Variants in FAM234B observed in about 807,000 individuals in gnomAD.
FAM234B encodes family with sequence similarity 234 member B.
FAM234B carries 33 observed loss-of-function variants against 69.3 expected under a neutral mutation model. That is an observed-to-expected ratio of 0.48 (90% CI 0.36 to 0.64). The LOEUF (loss-of-function observed/expected upper bound fraction) is 0.64, where lower values mean the gene tolerates loss of function less well. Ranked by LOEUF, FAM234B falls within the 30% of genes least tolerant of loss-of-function variation. The pLI is 0.00. For synonymous variants in FAM234B, 306 were observed against 306.9 expected (o/e 1.00, Z 0.03); for missense variants, 697 against 769.7 (o/e 0.91, Z 1.12).
chr12:13,063,488 T>C (rs146237842), intron 5 of FAM234B, among the ~76,000 whole-genome samples: 20 of 152,274 alleles, frequency 1.3e-4, no homozygotes, highest in African/African-American at 4.6e-4. Context: ...TCATAAAAGA[T>C]ACATAGGAAA....
intron 1 of FAM234B, among the ~76,000 whole-genome samples, chr12:13,049,143 T>C (rs868707609): frequency 6.6e-6 from 1 of 152,234 alleles, no homozygotes; most frequent in Non-Finnish European, 1.5e-5. Flanking sequence ...AAGACAGTAA[T>C]GTGTCTACCT....
Position 13,071,160 on chromosome 12 carries a change from T to C in FAM234B, c.1369-81T>C, listed in dbSNP as rs1275627394. ...GATATTTGTGTTATTTGAATACCTG[T>C]GCATTTTTGTGTGTGCATTTTCTGG... On this transcript the variant is annotated intron_variant, in intron 9 of 12. Coordinates refer to ENST00000197268, the MANE Select transcript of FAM234B (RefSeq NM_020853.2). 18 of 1,428,146 alleles carry C rather than the reference T, an allele frequency of 1.3e-5. No individual in the cohort carries two copies. In the East Asian group the frequency reaches 4.1e-4, roughly 33 times the overall value. 88.5% of individuals were successfully genotyped at this position (1,428,146 alleles called of 1,614,324 possible). A position where few individuals can be genotyped will look rare whatever the true frequency, so the allele number is the denominator to read the frequency against.
At chr12:13,045,710 A>C (rs564184151) in intron 1 of FAM234B, among the ~76,000 whole-genome samples, 68 of 152,302 alleles carry the variant, frequency 4.5e-4, no homozygotes, top group Non-Finnish European at 8.5e-4. Context: ...ACTGGAATTA[A>C]AGGAGAGACG....
chr12:13,080,704 C>A lies in FAM234B; in HGVS notation c.*74C>A. On this transcript the variant is annotated 3_prime_UTR_variant, in exon 13 of 13. Coordinates refer to ENST00000197268, the MANE Select transcript of FAM234B (RefSeq NM_020853.2). ...CTCTACTCTCCTGTCACTGTAAAATCAGTTCTATGGAGAGAAGACTTCTTC... is the reference window on the plus strand; with the variant it reads ...CTCTACTCTCCTGTCACTGTAAAATAAGTTCTATGGAGAGAAGACTTCTTC... The A allele has an allele frequency of 1.6e-6, 2 of 1,289,360 alleles. No individual in the cohort carries two copies. The highest frequency in any genetic ancestry group is 2.4e-5 in the South Asian group (2 of 82,066). The allele number at this position is 1,289,360 out of a possible 1,614,324, so 79.9% of individuals were successfully genotyped here.
At chr12:13,045,593 G>A (rs1864800431) in intron 1 of FAM234B, among the ~76,000 whole-genome samples, 1 of 151,808 alleles carries the variant, frequency 6.6e-6, no homozygotes, top group African/African-American at 2.4e-5. Context: ...TTGCGTTTCT[G>A]TCCCCAGACT....
chr12:13,056,457 C>G (rs1005091051), intron 2 of FAM234B, among the ~76,000 whole-genome samples: 4 of 152,200 alleles, frequency 2.6e-5, no homozygotes, highest in South Asian at 4.1e-4. Flanking sequence ...GTAATTCCAG[C>G]TATTCTGTCT....
chr12:13,060,453 A>G (rs79950461), intron 3 of FAM234B, among the ~76,000 whole-genome samples: 1 of 152,318 alleles, frequency 6.6e-6, no homozygotes, highest in East Asian at 1.9e-4. Flanking sequence ...GGAAGGGGTA[A>G]TCCATCACCA....
At position 13,062,859 on chromosome 12, in the gene FAM234B, A is replaced by G. The variant is rs1304646392; in HGVS notation, c.736A>G (p.Thr246Ala). Reference protein sequence around the residue: ...FNATSGKAIWTLNPNYLSNGT... With the variant: ...FNATSGKAIWALNPNYLSNGT... ...TCCTTCCTCAGGGAAAGCCATTTGG[A>G]CTTTAAACCCAAACTACTTGTCCAA... is the stretch of plus-strand genomic sequence containing the variant. Residue 246 changes from threonine (T) to alanine (A), a missense_variant, in exon 5 of 13, where the codon ACT becomes GCT. Coordinates refer to ENST00000197268, the MANE Select transcript of FAM234B (RefSeq NM_020853.2). 3.1e-6 allele frequency: 5 copies of G among 1,613,910 alleles called. No individual in the cohort carries two copies. The highest frequency in any genetic ancestry group is 3.3e-4 in the Middle Eastern group (2 of 6,032).
At chr12:13,045,263 A>G (rs1186157260) in intron 1 of FAM234B, among the ~76,000 whole-genome samples, 1 of 144,376 alleles carries the variant, frequency 6.9e-6, no homozygotes, top group Non-Finnish European at 1.5e-5. Context: ...GTAGGATTGT[A>G]CTGTTAGAAA....
Position 13,080,659 on chromosome 12 carries a change from G to A in FAM234B, c.*29G>A, listed in dbSNP as rs1865215405. On this transcript the variant is annotated 3_prime_UTR_variant, in exon 13 of 13. Transcript: ENST00000197268. ...GATGGAATCTTCAGTTGCAGAAGAA[G>A]TGAACAGAGTGGATACCCTCTCTAC... 6.3e-7 allele frequency: 1 copy of A among 1,577,236 alleles called. No individual in the cohort carries two copies. The highest frequency in any genetic ancestry group is 1.3e-5 in the African/African-American group (1 of 74,276).
chr12:13,071,214 G>A (rs776401650), intron 9 of FAM234B, 27 bp from the exon 10 acceptor site: 1 of 1,612,632 alleles, frequency 6.2e-7, no homozygotes, highest in African/African-American at 1.3e-5. Context: ...GCCTGGCCAT[G>A]TTTACTGTCT....
rs1241138458 is a variant in FAM234B, at chr12:13,055,700, G to A, written c.187G>A (p.Asp63Asn). ...GGGAGAAGCGCCAGAACCCGACTCAGATGCTGAGGTTGCAGAGGCTGCAAA... is the reference window on the plus strand; with the variant it reads ...GGGAGAAGCGCCAGAACCCGACTCAAATGCTGAGGTTGCAGAGGCTGCAAA... ...PLGEAPEPDS[D>N]AEVAEAAKPH... The change falls in exon 2 of 13, where the codon GAT becomes AAT. Residue 63 changes from aspartate to asparagine, a missense_variant. Asp to Asn is a conservative substitution (Grantham distance 23). This residue lies in a region of FAM234B where 380 missense variants were observed against 447.1 expected (regional missense o/e 0.85). Transcript: ENST00000197268. 6.2e-7 allele frequency: 1 copy of A among 1,614,246 alleles called. No individual in the cohort carries two copies. Among genetic ancestry groups the A allele is most frequent in the Non-Finnish European group, 8.5e-7 (1 of 1,180,042 alleles).
intron 3 of FAM234B, among the ~76,000 whole-genome samples, 161 bp downstream of exon 3, chr12:13,058,710 A>G (rs1864956937): frequency 6.6e-6 from 1 of 152,216 alleles, no homozygotes; most frequent in Admixed American, 6.5e-5. Flanking sequence ...AAGCTTCCAC[A>G]TATAAATAAA....
intron 3 of FAM234B, among the ~76,000 whole-genome samples, chr12:13,060,748 T>G (rs1386003): frequency 0.02 from 2,974 of 152,328 alleles, 56 homozygotes; most frequent in Non-Finnish European, 0.028. Context: ...AAGTGGGAAC[T>G]GTATGAAATG....
intron 5 of FAM234B, among the ~76,000 whole-genome samples, 180 bp downstream of exon 5, chr12:13,063,155 C>T (rs938738860): frequency 1.6e-4 from 24 of 152,196 alleles, no homozygotes; most frequent in Non-Finnish European, 3.4e-4. Flanking sequence ...CCCATTTTCT[C>T]TGGCAGCCTC....
chr12:13,079,160 C>A (rs916994372), intron 11 of FAM234B, among the ~76,000 whole-genome samples: 4 of 152,076 alleles, frequency 2.6e-5, no homozygotes, highest in African/African-American at 9.7e-5. Context: ...CTACAGTAAC[C>A]AAAACAGCAT....
Position 13,044,475 on chromosome 12 carries a change from C to T in FAM234B, c.37+35C>T, listed in dbSNP as rs1351393268. The T allele has an allele frequency of 1.3e-6, 2 of 1,549,788 alleles. No individual in the cohort carries two copies. The highest frequency in any genetic ancestry group is 2.4e-5 in the East Asian group (1 of 40,876). ...CGCATGCTTGCGACCACCCAGTCCC[C>T]GCCGGTGTTGGAATAAGGGGAGGCG... On this transcript the variant is annotated intron_variant, in intron 1 of 12. Coordinates refer to ENST00000197268, the MANE Select transcript of FAM234B (RefSeq NM_020853.2). The surrounding 1 kb of genome is among the most constrained non-coding windows in gnomAD (Gnocchi z 5.6).
chr12:13,075,908 A>G, intron 10 of FAM234B, 118 bp from the exon 11 acceptor site: 3 of 782,112 alleles, frequency 3.8e-6, no homozygotes, highest in Non-Finnish European at 7.0e-6. Flanking sequence ...AGGATCAGGC[A>G]TTAGCATCTG....
At chr12:13,063,694 A>G (rs1865008153) in intron 5 of FAM234B, among the ~76,000 whole-genome samples, 1 of 152,246 alleles carries the variant, frequency 6.6e-6, no homozygotes, top group Admixed American at 6.5e-5. Context: ...AATCACAGGA[A>G]GGAATAAATT....
Sources: allele counts gnomAD v4.1 joint callset (sites outside exome capture counted in the v4.1 genomes callset), GRCh38; gene constraint gnomAD v4.1.1; regional missense constraint gnomAD v4.1.1; non-coding constraint Gnocchi (gnomAD v3.1); transcripts MANE v1.5; gene names NCBI Gene and HGNC (gene_info 2026-07-23, HGNC 2026-07-21).